The following ARHGEF3 variants were observed in gnomAD, a reference collection of about 807,000 sequenced individuals.
ARHGEF3 encodes the protein 59.8 kDA protein.
Under a neutral mutation model 63.2 loss-of-function variants are expected in ARHGEF3, and 28 were observed. The ratio of observed to expected loss-of-function variants is 0.44; its 90% CI spans 0.33 to 0.61. The LOEUF is 0.61. ARHGEF3 is among the 20% of genes least tolerant of loss of function. The pLI is 0.03. For synonymous variants in ARHGEF3, 266 were observed against 254.2 expected (o/e 1.05, Z -0.44); for missense variants, 533 against 659.3 (o/e 0.81, Z 2.10).
chr3:57,017,442 C>T (rs1703068811), intron 2 of ARHGEF3, among the ~76,000 whole-genome samples: 1 of 152,310 alleles, frequency 6.6e-6, no homozygotes, highest in South Asian at 2.1e-4. Context: ...TGGCACTGCT[C>T]CCTGCAGCTC....
chr3:56,946,839 G>C (rs1429361383), intron 3 of ARHGEF3, among the ~76,000 whole-genome samples: 1 of 152,184 alleles, frequency 6.6e-6, no homozygotes, highest in Non-Finnish European at 1.5e-5. Flanking sequence ...ATTCACCAAA[G>C]TTGAAATGAA....
At chr3:56,927,966 G>A (rs567849237) in intron 3 of ARHGEF3, among the ~76,000 whole-genome samples, 10 of 152,246 alleles carry the variant, frequency 6.6e-5, no homozygotes, top group South Asian at 6.2e-4. Context: ...GTTCAGAGAC[G>A]TTAAGCAATT....
At chr3:56,929,201 G>A (rs898999311) in intron 3 of ARHGEF3, among the ~76,000 whole-genome samples, 4 of 152,174 alleles carry the variant, frequency 2.6e-5, no homozygotes, top group African/African-American at 9.7e-5. Flanking sequence ...AACCCTGACT[G>A]TGGCCTCTTC....
At chr3:57,038,723 G>A (rs1704059005) in intron 1 of ARHGEF3, among the ~76,000 whole-genome samples, 2 of 152,160 alleles carry the variant, frequency 1.3e-5, no homozygotes, top group African/African-American at 4.8e-5. Flanking sequence ...GGGATTACAG[G>A]CGTCAGCCAT....
intron 4 of ARHGEF3, among the ~76,000 whole-genome samples, chr3:56,875,828 T>A (rs149114269): frequency 6.6e-6 from 1 of 151,616 alleles, no homozygotes; most frequent in East Asian, 1.9e-4. Flanking sequence ...GTAAAAAGAG[T>A]GGAACACAGC....
At chr3:56,951,301 AAAAG>A (rs775580431) in intron 3 of ARHGEF3, among the ~76,000 whole-genome samples, 6 of 151,948 alleles carry the variant, frequency 3.9e-5, no homozygotes, top group Non-Finnish European at 5.9e-5. Context: ...GGAAAGAAAA[AAAAG>A]AAAGAAATTG....
intron 2 of ARHGEF3, chr3:57,035,068 G>T: frequency 6.6e-7 from 1 of 1,516,722 alleles, no homozygotes; most frequent in South Asian, 1.3e-5. Context: ...TAATTATTTA[G>T]GTTATTTGAT....
intron 4 of ARHGEF3, among the ~76,000 whole-genome samples, chr3:56,832,110 A>C (rs2038952432): frequency 6.6e-6 from 1 of 152,234 alleles, no homozygotes; most frequent in African/African-American, 2.4e-5. Flanking sequence ...CAGGCAAAGC[A>C]GGGCTCTGAG....
At chr3:56,906,836 CAAAA>C (rs573382270) in intron 3 of ARHGEF3, among the ~76,000 whole-genome samples, 1 of 96,796 alleles carries the variant, frequency 1.0e-5, no homozygotes, top group African/African-American at 3.9e-5. Context: ...GACTCTGTCT[CAAAA>C]AAAAAAAAGA....
intron 2 of ARHGEF3, among the ~76,000 whole-genome samples, chr3:56,768,763 A>G (rs2035852944): frequency 6.6e-6 from 1 of 152,144 alleles, no homozygotes; most frequent in South Asian, 2.1e-4. Context: ...AAAAGGTGCA[A>G]CTCCCCCAGG....
chr3:56,908,079 C>A (rs187718216), intron 3 of ARHGEF3, among the ~76,000 whole-genome samples: 2 of 152,224 alleles, frequency 1.3e-5, no homozygotes, highest in African/African-American at 4.8e-5. Flanking sequence ...CCTTCCCTGC[C>A]CCAGGCAGAC....
In ARHGEF3 at chr3:57,074,106, G is replaced by A. The variant is rs201843696; in HGVS notation, c.-28+5120C>T. ...TCTTGGTATGGAAGATGGGGATAAT[G>A]AGAGGACCACAGGATGGTTGTGGAG... On this transcript the variant is annotated intron_variant, in intron 1 of 12. Transcript: ENST00000338458. 7.5e-5 allele frequency: 121 copies of A among 1,613,864 alleles called. No homozygotes were observed. Among genetic ancestry groups the A allele is most frequent in the Middle Eastern group, 3.3e-4 (2 of 6,084 alleles).
intron 2 of ARHGEF3, among the ~76,000 whole-genome samples, chr3:56,962,906 A>G (rs1700341826): frequency 6.6e-6 from 1 of 152,218 alleles, no homozygotes. Flanking sequence ...GTGAAAACAA[A>G]TGTGACTGTT....
chr3:56,936,270 C>T (rs79813034), intron 3 of ARHGEF3, among the ~76,000 whole-genome samples: 5,551 of 152,136 alleles, frequency 0.036, 146 homozygotes, highest in Admixed American at 0.05. Context: ...ACCTATAGGT[C>T]AGTAACAAGT....
intron 3 of ARHGEF3, among the ~76,000 whole-genome samples, chr3:56,954,461 C>G (rs576882302): frequency 6.6e-6 from 1 of 152,172 alleles, no homozygotes; most frequent in Non-Finnish European, 1.5e-5. Flanking sequence ...GCGAGACACC[C>G]CCCAGGGTTC....
At chr3:56,960,072 T>C (rs904055324) in intron 2 of ARHGEF3, among the ~76,000 whole-genome samples, 1 of 152,226 alleles carries the variant, frequency 6.6e-6, no homozygotes, top group African/African-American at 2.4e-5. Flanking sequence ...AGAAAGCATG[T>C]AGTGACCAGT....
At chr3:56,854,670 T>G (rs958541905) in intron 4 of ARHGEF3, among the ~76,000 whole-genome samples, 1 of 147,422 alleles carries the variant, frequency 6.8e-6, no homozygotes, top group Admixed American at 7.0e-5. Context: ...GGTTGAGATT[T>G]GGTGGGAAAC....
At chr3:56,749,166 A>T (rs1578406122) in intron 6 of ARHGEF3, among the ~76,000 whole-genome samples, 1 of 152,318 alleles carries the variant, frequency 6.6e-6, no homozygotes, top group East Asian at 1.9e-4. Context: ...TCTGGCAACA[A>T]CGGGCCAGTT....
At chr3:57,000,572 C>CA (rs1702156963) in intron 2 of ARHGEF3, among the ~76,000 whole-genome samples, 1 of 152,056 alleles carries the variant, frequency 6.6e-6, no homozygotes, top group Non-Finnish European at 1.5e-5. Context: ...CTCACTCTGT[C>CA]GCCCAGGCTG....
Sources: allele counts gnomAD v4.1 joint callset (sites outside exome capture counted in the v4.1 genomes callset), GRCh38; gene constraint gnomAD v4.1.1; transcripts MANE v1.5; gene names NCBI Gene and HGNC (gene_info 2026-07-23, HGNC 2026-07-21).